The following PTPRO variants were observed in gnomAD, a reference collection of about 807,000 sequenced individuals.
PTPRO encodes protein tyrosine phosphatase receptor type O.
Under a neutral mutation model 145.2 loss-of-function variants are expected in PTPRO, and 62 were observed. That is an observed-to-expected ratio of 0.43 (90% CI 0.35 to 0.53). The LOEUF is 0.53. Ranked by LOEUF, PTPRO falls within the 20% of genes least tolerant of loss-of-function variation. The pLI, the probability that PTPRO is intolerant of heterozygous loss-of-function variation, is 0.01. For missense variants in PTPRO, 1,345 were observed against 1,482.7 expected (o/e 0.91, Z 1.53); for synonymous variants, 565 against 514.7 (o/e 1.10, Z -1.32).
In PTPRO at chr12:15,523,889, C is replaced by G. The variant is rs78829478; in HGVS notation, c.1892-925C>G. The stretch of plus-strand genomic sequence containing the variant: ...CATGCCTCACTGCAGCCTGGATCTC[C>G]TGGGCTCAAATAGTCCTCCCACCTC... On this transcript the variant is annotated intron_variant, in intron 10 of 26. Transcript: ENST00000281171. Among the ~76,000 whole-genome samples the G allele has an allele frequency of 1.3e-3, 202 of 152,088 alleles. 2 individuals carry two copies. The East Asian group carries it at 0.038, about 28-fold the overall frequency.
intron 18 of PTPRO, among the ~76,000 whole-genome samples, chr12:15,566,661 C>T (rs1406576645): frequency 6.6e-6 from 1 of 152,130 alleles, no homozygotes; most frequent in Non-Finnish European, 1.5e-5. Context: ...GCTAATACTA[C>T]AGGCACACGC....
At chr12:15,406,750 G>A (rs545145225) in intron 1 of PTPRO, among the ~76,000 whole-genome samples, 5 of 152,268 alleles carry the variant, frequency 3.3e-5, no homozygotes, top group East Asian at 1.9e-4. Flanking sequence ...AGCACAAAAT[G>A]TCAGATAAAT....
chr12:15,546,442 A>G, intron 12 of PTPRO, 127 bp from the exon 13 acceptor site: 1 of 1,498,394 alleles, frequency 6.7e-7, no homozygotes, highest in Non-Finnish European at 8.9e-7. Context: ...CAAAGGCAAT[A>G]TAAAGTCTTT....
intron 1 of PTPRO, among the ~76,000 whole-genome samples, chr12:15,437,390 C>G (rs1591810805): frequency 6.6e-6 from 1 of 151,796 alleles, no homozygotes; most frequent in Non-Finnish European, 1.5e-5. Context: ...ACTTTTGGGG[C>G]ATTGCTCACC....
chr12:15,480,204 G>T (rs538786374), intron 1 of PTPRO, among the ~76,000 whole-genome samples: 34 of 151,956 alleles, frequency 2.2e-4, no homozygotes, highest in Non-Finnish European at 4.6e-4. Flanking sequence ...CATACTTTTA[G>T]TTTATTAAGT....
At chr12:15,481,609 T>A (rs1179542580) in intron 1 of PTPRO, among the ~76,000 whole-genome samples, 1 of 152,186 alleles carries the variant, frequency 6.6e-6, no homozygotes, top group Non-Finnish European at 1.5e-5. Flanking sequence ...GAGCTGGAAG[T>A]GCAGCTGGAA....
chr12:15,467,414 GTGTGTGTGTGTGTGTGTA>G (rs1941441322), intron 1 of PTPRO, among the ~76,000 whole-genome samples: 1 of 145,538 alleles, frequency 6.9e-6, no homozygotes, highest in South Asian at 2.2e-4. Flanking sequence ...GGGTGAGTGT[GTGTGTGTGTGTGTGTGTA>G]TGTGTGTGTG....
At chr12:15,569,635 G>T in intron 19 of PTPRO, 137 bp downstream of exon 19, 2 of 750,562 alleles carry the variant, frequency 2.7e-6, no homozygotes, top group Non-Finnish European at 4.5e-6. Context: ...CTGATCTGCT[G>T]GTTTAGAGCA....
At chr12:15,378,856 A>G (rs1938767848) in intron 1 of PTPRO, among the ~76,000 whole-genome samples, 1 of 152,168 alleles carries the variant, frequency 6.6e-6, no homozygotes, top group South Asian at 2.1e-4. Context: ...CAAAAAGACA[A>G]CCGTAGACAA....
At position 15,591,260 on chromosome 12, in the gene PTPRO, A is replaced by G. The variant is rs1179657390; in HGVS notation, c.3546+1670A>G. ...GTGATGGGCACCTGTAATCCCAGCT[A>G]CTCGGGAGGCTGAGGCAAGAGAGTT... On this transcript the variant is annotated intron_variant, in intron 25 of 26. Coordinates refer to ENST00000281171, the MANE Select transcript of PTPRO (RefSeq NM_030667.3). Among the ~76,000 whole-genome samples, 4 of 152,000 alleles carry G rather than the reference A, an allele frequency of 2.6e-5. No homozygotes were observed. The East Asian group carries it at 7.7e-4, about 29-fold the overall frequency.
chr12:15,434,268 A>T (rs1591808079), intron 1 of PTPRO, among the ~76,000 whole-genome samples: 1 of 152,192 alleles, frequency 6.6e-6, no homozygotes, highest in Admixed American at 6.5e-5. Context: ...CTTAAGTTCA[A>T]ATGCACTAAT....
chr12:15,582,206 A>T (rs1196754175), intron 23 of PTPRO, among the ~76,000 whole-genome samples: 4 of 152,268 alleles, frequency 2.6e-5, no homozygotes, highest in Non-Finnish European at 5.9e-5. Flanking sequence ...CCTTGCCCTC[A>T]TTGCGGTAAA....
At chr12:15,483,834 T>C in intron 1 of PTPRO, 140 bp from the exon 2 acceptor site, 1 of 863,278 alleles carries the variant, frequency 1.2e-6, no homozygotes, top group Admixed American at 2.6e-5. Flanking sequence ...TATGTAACTC[T>C]ATTTTAAGAA....
chr12:15,546,403 G>A (rs2135548898), intron 12 of PTPRO, 166 bp from the exon 13 acceptor site: 6 of 1,442,722 alleles, frequency 4.2e-6, no homozygotes, highest in Non-Finnish European at 5.4e-6. Context: ...TTCCAAGTTA[G>A]ATAGCTATCT....
intron 7 of PTPRO, among the ~76,000 whole-genome samples, chr12:15,511,964 T>A: frequency 6.6e-6 from 1 of 152,206 alleles, no homozygotes; most frequent in East Asian, 1.9e-4. Context: ...AACATCACCA[T>A]GAAACAATCT....
At chr12:15,391,416 G>A (rs1159822783) in intron 1 of PTPRO, among the ~76,000 whole-genome samples, 2 of 152,126 alleles carry the variant, frequency 1.3e-5, no homozygotes, top group African/African-American at 4.8e-5. Flanking sequence ...GGCTGGCCTA[G>A]GGTTCTTTGC....
Position 15,549,283 on chromosome 12 carries a change from A to G in PTPRO, c.2437+57A>G, listed in dbSNP as rs545396357. 3.0e-5 allele frequency: 37 copies of G among 1,214,950 alleles called. No homozygotes were observed. In the South Asian group the frequency reaches 6.7e-4, roughly 22 times the overall value. 75.3% of individuals were successfully genotyped at this position (1,214,950 alleles called of 1,614,324 possible). A position where few individuals can be genotyped will look rare whatever the true frequency, so the allele number is the denominator to read the frequency against. ...ACTTTTTTTGAATATATATATATAT[A>G]TGTATTTGTATCAATATTCCACCAA... On this transcript the variant is annotated intron_variant, in intron 14 of 26. Coordinates refer to ENST00000281171, the MANE Select transcript of PTPRO (RefSeq NM_030667.3).
intron 1 of PTPRO, among the ~76,000 whole-genome samples, chr12:15,430,558 T>C (rs1940407444): frequency 6.6e-6 from 1 of 152,164 alleles, no homozygotes; most frequent in South Asian, 2.1e-4. Flanking sequence ...TGTCTGTGTA[T>C]CTTTGTTATG....
At chr12:15,472,619 G>T (rs1941567606) in intron 1 of PTPRO, among the ~76,000 whole-genome samples, 1 of 152,160 alleles carries the variant, frequency 6.6e-6, no homozygotes, top group South Asian at 2.1e-4. Context: ...CCATCTGCAG[G>T]AGCAGAATTG....
Sources: allele counts gnomAD v4.1 joint callset (sites outside exome capture counted in the v4.1 genomes callset), GRCh38; gene constraint gnomAD v4.1.1; transcripts MANE v1.5; gene names NCBI Gene and HGNC (gene_info 2026-07-23, HGNC 2026-07-21).